MICALL2: variants seen among roughly 807,000 people sequenced by gnomAD.
The protein encoded by MICALL2 is MICAL like 2.
In MICALL2, 111 loss-of-function variants were observed where a neutral mutation model predicts 91.1. The observed-to-expected ratio is 1.22, with a 90% CI of 1.04 to 1.43. The LOEUF (loss-of-function observed/expected upper bound fraction) is 1.43, where lower values mean the gene tolerates loss of function less well. Among genes scored for constraint, MICALL2 ranks in the 40% most tolerant of loss-of-function variants. The pLI is 0.00. For synonymous variants in MICALL2, 694 were observed against 525.3 expected (o/e 1.32, Z -4.39); for missense variants, 1,556 against 1,236.0 (o/e 1.26, Z -3.88).
At chr7:1,442,064 C>G (rs1227361330) in intron 7 of MICALL2, 128 bp downstream of exon 7, 7 of 1,083,632 alleles carry the variant, frequency 6.5e-6, no homozygotes, top group Non-Finnish European at 9.4e-6. Flanking sequence ...TCACGGAGGA[C>G]AGAGATGAGA....
At chr7:1,435,263 C>T in intron 15 of MICALL2, 116 bp from the exon 16 acceptor site, 3 of 976,450 alleles carry the variant, frequency 3.1e-6, no homozygotes, top group South Asian at 2.7e-5. Flanking sequence ...TGGACCCATG[C>T]CACCTGCCCC....
In MICALL2 at chr7:1,442,625, C is replaced by A. The variant is rs144487661; in HGVS notation, c.1419-141G>T. The A allele has an allele frequency of 8.6e-4, 669 of 774,860 alleles. 9 individuals are homozygous for A. The East Asian group carries it at 0.018, about 21-fold the overall frequency. The allele number at this position is 774,860 out of a possible 1,614,324, so 48.0% of individuals were successfully genotyped here. On this transcript the variant is annotated intron_variant, in intron 6 of 16. Transcript: ENST00000297508. ...GACTCCCACCATCACCCCAGGCCAC[C>A]CTCCACCTCCCCCACCATTGCGCCA... is the stretch of plus-strand genomic sequence containing the variant.
rs768994664 is a variant in MICALL2, at chr7:1,442,353, G to A, written c.1550C>T (p.Pro517Leu). 2.3e-5 allele frequency: 37 copies of A among 1,612,602 alleles called. 2 individuals carry two copies. The South Asian group carries it at 4.1e-4, about 18-fold the overall frequency. ...GGTACTGCTCGTGCTCAGCGGGGCT[G>A]GCGGTTCCATCCTCGAAGGGAGGCC... ...VLGLPSRMEP[P>L]APLSTSSTSQ... Residue 517 changes from proline (P) to leucine (L), a missense_variant, in exon 7 of 17, where the codon CCA becomes CTA. Coordinates refer to ENST00000297508, the MANE Select transcript of MICALL2 (RefSeq NM_182924.4).
At chr7:1,434,969 G>T in intron 16 of MICALL2, 132 bp downstream of exon 16, 1 of 921,444 alleles carries the variant, frequency 1.1e-6, no homozygotes, top group Non-Finnish European at 1.7e-6. Context: ...AAGGCTGAGG[G>T]GGGGACCCGA....
At chr7:1,442,063 A>G in intron 7 of MICALL2, 129 bp downstream of exon 7, 1 of 1,071,166 alleles carries the variant, frequency 9.3e-7, no homozygotes, top group Non-Finnish European at 1.4e-6. Flanking sequence ...GTCACGGAGG[A>G]CAGAGATGAG....
chr7:1,436,221 C>G (rs1331605035), intron 15 of MICALL2, among the ~76,000 whole-genome samples: 2 of 151,834 alleles, frequency 1.3e-5, no homozygotes, highest in Non-Finnish European at 2.9e-5. Context: ...GAAACCCCGT[C>G]TCTACCAAAA....
chr7:1,455,590 A>G (rs763733417), intron 1 of MICALL2, among the ~76,000 whole-genome samples: 16 of 147,616 alleles, frequency 1.1e-4, no homozygotes, highest in Non-Finnish European at 2.0e-4. Flanking sequence ...ACGTGGCTCA[A>G]GGAGCCGGAA....
Position 1,445,217 on chromosome 7 carries a change from A to G in MICALL2, c.853T>C (p.Ser285Pro), listed in dbSNP as rs1780516103. The change falls in exon 6 of 17, where the codon TCG becomes CCG. Residue 285 changes from serine (S) to proline (P), a missense_variant. Physicochemically the swap from Ser to Pro is moderately conservative, Grantham distance 74 (BLOSUM62 -1). Transcript: ENST00000297508. ...TTGCCCGCAGCAGGCTCCCAGGCCG[A>G]CGGTCTGGCCTTGTTTGCCTCCTGG... ...KAQEANKARP[S>P]AWEPAAGNSP... 6.2e-7 allele frequency: 1 copy of G among 1,607,310 alleles called. No homozygotes were observed. The highest frequency in any genetic ancestry group is 2.2e-5 in the East Asian group (1 of 44,586).
At chr7:1,440,862 C>T in intron 7 of MICALL2, 178 bp from the exon 8 acceptor site, 1 of 604,368 alleles carries the variant, frequency 1.7e-6, no homozygotes, top group Non-Finnish European at 3.0e-6. Flanking sequence ...GGAGGGGCTC[C>T]CAGCTGGCTC....
rs1043529744 is a variant in MICALL2, at chr7:1,446,822, C to A, written c.532G>T (p.Ala178Ser). 8.2e-6 allele frequency: 13 copies of A among 1,587,736 alleles called. No individual in the cohort carries two copies. Among genetic ancestry groups the A allele is most frequent in the East Asian group, 4.5e-5 (2 of 44,118 alleles). ...AGGPPPKTDQ[A>S]LAGSLVSSTC... Reference sequence around the variant, plus strand: ...CTGCTGACCAAGCTGCCCGCCAATGCCTGGTCCTGGGGAAGATGCCAGCAC... The same window carrying A: ...CTGCTGACCAAGCTGCCCGCCAATGACTGGTCCTGGGGAAGATGCCAGCAC... Residue 178 changes from alanine (A) to serine (S), a missense_variant, in exon 5 of 17, where the codon GCA becomes TCA. Ala to Ser is a moderately conservative substitution (Grantham distance 99). Coordinates refer to ENST00000297508, the MANE Select transcript of MICALL2 (RefSeq NM_182924.4).
Position 1,442,182 on chromosome 7 carries a change from CCT to C in MICALL2, c.1711+8_1711+9del, listed in dbSNP as rs769176389. 4 of 1,611,568 alleles carry C rather than the reference CCT, an allele frequency of 2.5e-6. No individual in the cohort carries two copies. Among genetic ancestry groups the C allele is most frequent in the Non-Finnish European group, 3.4e-6 (4 of 1,179,734 alleles). ...CCCCGGGGCCTCCTGCCTCCCAGCC[CCT>C]TACTCACCCTGCGTTAAGGTGGTGC... is the stretch of plus-strand genomic sequence containing the variant. On this transcript the variant is annotated splice_region_variant and intron_variant, in intron 7 of 16. Transcript: ENST00000297508.
At position 1,453,782 on chromosome 7, in the gene MICALL2, A is replaced by G. The variant is rs73040909; in HGVS notation, c.144-3494T>C. On this transcript the variant is annotated intron_variant, in intron 1 of 16. Coordinates refer to ENST00000297508, the MANE Select transcript of MICALL2 (RefSeq NM_182924.4). ...CCTCAGAATTAAAATCAGGTATACC[A>G]TGGCCCGGCTCCAAGACACACACCG... Among the ~76,000 whole-genome samples the G allele has an allele frequency of 7.3e-3, 1,118 of 152,152 alleles. 11 individuals are homozygous for G. Among genetic ancestry groups the G allele is most frequent in the Middle Eastern group, 0.017 (5 of 294 alleles).
intron 9 of MICALL2, chr7:1,439,289 A>G (rs1780143112): frequency 2.4e-6 from 1 of 422,702 alleles, no homozygotes. Flanking sequence ...ATACACACAG[A>G]GATGTGTGTG....
rs1780776055 is a variant in MICALL2 at position 1,450,231 on chromosome 7, G to A, written c.192+9C>T. 2 of 1,611,434 alleles carry A rather than the reference G, an allele frequency of 1.2e-6. No homozygotes were observed. Among genetic ancestry groups the A allele is most frequent in the Non-Finnish European group, 1.7e-6 (2 of 1,179,162 alleles). ...AGCCAGCTGTGAGGCCGGGGCGGGG[G>A]CCACTCACCAGTTTATTGTTTTCAT... On this transcript the variant is annotated intron_variant, in intron 2 of 16. Coordinates refer to ENST00000297508, the MANE Select transcript of MICALL2 (RefSeq NM_182924.4).
chr7:1,441,707 C>T (rs575711979), intron 7 of MICALL2: 10 of 179,252 alleles, frequency 5.6e-5, no homozygotes, highest in East Asian at 3.6e-4. Flanking sequence ...CATAGGGCAC[C>T]GTCACCGGGA....
chr7:1,445,863 G>A (rs1299397197), intron 5 of MICALL2, among the ~76,000 whole-genome samples: 2 of 152,002 alleles, frequency 1.3e-5, no homozygotes, highest in Non-Finnish European at 1.5e-5. Context: ...AGAAGTAGGG[G>A]GAACAGCGCT....
At chr7:1,444,258 C>T (rs892079757) in intron 6 of MICALL2, among the ~76,000 whole-genome samples, 3 of 143,592 alleles carry the variant, frequency 2.1e-5, no homozygotes, top group Admixed American at 6.8e-5. Context: ...GGGTCCCGCT[C>T]GCGGCCTGTC....
intron 1 of MICALL2, among the ~76,000 whole-genome samples, chr7:1,458,514 C>T (rs1781098788): frequency 6.6e-6 from 1 of 152,234 alleles, no homozygotes. Flanking sequence ...TGGAGCAGGT[C>T]CAGGCTCGGG....
chr7:1,450,111 C>A (rs1013784606), intron 2 of MICALL2, 129 bp downstream of exon 2: 10 of 724,636 alleles, frequency 1.4e-5, no homozygotes, highest in Non-Finnish European at 2.2e-5. Flanking sequence ...GGTCAGGGAG[C>A]CCCCGATTCC....
Sources: gnomAD v4.1 joint callset for allele counts (sites outside exome capture counted in the v4.1 genomes callset) on GRCh38, gnomAD v4.1.1 for gene constraint, MANE v1.5 for transcripts, NCBI Gene and HGNC (gene_info 2026-07-23, HGNC 2026-07-21) for gene names.